The following CNTNAP4 variants were observed in gnomAD, a reference collection of about 807,000 sequenced individuals.
The protein encoded by CNTNAP4 is contactin-associated protein-like 4.
CNTNAP4 carries 98 observed loss-of-function variants against 148.4 expected under a neutral mutation model. That is an observed-to-expected ratio of 0.66 (90% CI 0.56 to 0.78). The LOEUF (loss-of-function observed/expected upper bound fraction) is 0.78. CNTNAP4 is among the 30% of genes least tolerant of loss of function. CNTNAP4 has a pLI of 0.00. For synonymous variants in CNTNAP4, 730 were observed against 565.1 expected, an observed-to-expected ratio of 1.29 and a Z score of -4.14; for missense variants, 1,935 against 1,565.6, an observed-to-expected ratio of 1.24 and a Z score of -3.98.
At chr16:76,545,266 C>T (rs2084661447) in intron 21 of CNTNAP4, among the ~76,000 whole-genome samples, 1 of 152,086 alleles carries the variant, frequency 6.6e-6, no homozygotes. Flanking sequence ...AGGCTTTAGT[C>T]GATTCCAGAG....
chr16:76,444,186 A>G (rs2080152317), intron 4 of CNTNAP4, among the ~76,000 whole-genome samples: 1 of 152,154 alleles, frequency 6.6e-6, no homozygotes, highest in Non-Finnish European at 1.5e-5. Context: ...ACAGGACAAT[A>G]AACCCATAAC....
intron 2 of CNTNAP4, among the ~76,000 whole-genome samples, chr16:76,339,285 C>A (rs1370070258): frequency 1.5e-4 from 23 of 151,928 alleles, no homozygotes; most frequent in Admixed American, 1.4e-3. Flanking sequence ...CATAGTCAGC[C>A]CCTCCCCATT....
At chr16:76,423,458 C>G (rs2079264157) in intron 3 of CNTNAP4, among the ~76,000 whole-genome samples, 1 of 152,056 alleles carries the variant, frequency 6.6e-6, no homozygotes, top group Non-Finnish European at 1.5e-5. Flanking sequence ...AGTTCTGAAT[C>G]TTTAAAGGAA....
chr16:76,442,239 C>T (rs931123897), intron 4 of CNTNAP4, among the ~76,000 whole-genome samples: 1 of 151,984 alleles, frequency 6.6e-6, no homozygotes, highest in Non-Finnish European at 1.5e-5. Context: ...CAAGTGGTCT[C>T]TAAAAGGTAG....
chr16:76,319,603 A>T (rs891113587), intron 2 of CNTNAP4, among the ~76,000 whole-genome samples: 1 of 152,016 alleles, frequency 6.6e-6, no homozygotes, highest in African/African-American at 2.4e-5. Flanking sequence ...GCCATACTGG[A>T]TTAAGGGGTG....
At chr16:76,345,866 C>G (rs1964860058) in intron 2 of CNTNAP4, among the ~76,000 whole-genome samples, 1 of 152,140 alleles carries the variant, frequency 6.6e-6, no homozygotes. Flanking sequence ...CAGAAAGAAA[C>G]TTGTCTACAG....
At chr16:76,371,317 C>T (rs1049205861) in intron 3 of CNTNAP4, among the ~76,000 whole-genome samples, 13 of 152,046 alleles carry the variant, frequency 8.6e-5, no homozygotes, top group African/African-American at 3.1e-4. Flanking sequence ...AATGGATCTT[C>T]TTCTGTCGCC....
chr16:76,361,999 T>G (rs1223996850), intron 3 of CNTNAP4, among the ~76,000 whole-genome samples: 1 of 152,010 alleles, frequency 6.6e-6, no homozygotes, highest in East Asian at 1.9e-4. Flanking sequence ...TCAATGCTTT[T>G]GCTCATGTTA....
At chr16:76,323,919 C>T (rs1962696042) in intron 2 of CNTNAP4, among the ~76,000 whole-genome samples, 1 of 152,292 alleles carries the variant, frequency 6.6e-6, no homozygotes, top group African/African-American at 2.4e-5. Flanking sequence ...AATGACATTA[C>T]CTCTCTTTTT....
intron 3 of CNTNAP4, among the ~76,000 whole-genome samples, chr16:76,418,557 G>A (rs766262581): frequency 7.9e-5 from 12 of 151,588 alleles, no homozygotes; most frequent in Non-Finnish European, 8.8e-5. Context: ...TTCTTTTGCA[G>A]AGTTTTCATC....
chr16:76,510,809 A>T (rs1375768470), intron 15 of CNTNAP4, among the ~76,000 whole-genome samples: 1 of 152,136 alleles, frequency 6.6e-6, no homozygotes, highest in Non-Finnish European at 1.5e-5. Flanking sequence ...TCAGAAGTAA[A>T]CTAGACTGGA....
intron 3 of CNTNAP4, among the ~76,000 whole-genome samples, chr16:76,399,666 T>C (rs79071149): frequency 0.011 from 1,733 of 152,306 alleles, 17 homozygotes; most frequent in African/African-American, 0.033. Context: ...GTTTATAGTT[T>C]CTGGTGTATA....
At chr16:76,549,604 G>C (rs757256760) in intron 21 of CNTNAP4, among the ~76,000 whole-genome samples, 43 of 152,138 alleles carry the variant, frequency 2.8e-4, no homozygotes, top group Non-Finnish European at 5.4e-4. Context: ...ATGAGGCTTA[G>C]TAAGAGTACT....
In CNTNAP4 at chr16:76,403,073, CTGT is replaced by C. The variant is rs549577679; in HGVS notation, c.391-24367_391-24365del. 1.1e-3 allele frequency among the ~76,000 whole-genome samples: 165 copies of C among 151,490 alleles called. 2 individuals carry two copies. Among genetic ancestry groups the C allele is most frequent in the African/African-American group, 2.3e-3 (93 of 41,222 alleles). On this transcript the variant is annotated intron_variant, in intron 3 of 23. Coordinates refer to ENST00000611870, the MANE Select transcript of CNTNAP4 (RefSeq NM_033401.5). The stretch of plus-strand genomic sequence containing the variant: ...AAAACGCGGGAAAAGGACATGAACA[CTGT>C]TGTTGTTGTTGGGTTTTATTTTTTT...
At chr16:76,518,360 T>C (rs2083328990) in intron 15 of CNTNAP4, among the ~76,000 whole-genome samples, 1 of 152,118 alleles carries the variant, frequency 6.6e-6, no homozygotes, top group Non-Finnish European at 1.5e-5. Flanking sequence ...ACTCCTGACC[T>C]CAAGTGATCT....
At chr16:76,347,720 C>A (rs8049902) in intron 2 of CNTNAP4, among the ~76,000 whole-genome samples, 29,098 of 151,972 alleles carry the variant, frequency 0.19, 3,555 homozygotes, top group East Asian at 0.47. Context: ...GAGCTTAATA[C>A]AGCTTCTGAG....
At chr16:76,356,393 T>C (rs975038451) in intron 3 of CNTNAP4, among the ~76,000 whole-genome samples, 1 of 152,092 alleles carries the variant, frequency 6.6e-6, no homozygotes, top group East Asian at 1.9e-4. Context: ...AATGTGTAAA[T>C]TGCTGTGTGT....
At chr16:76,334,658 CATT>C (rs1348197829) in intron 2 of CNTNAP4, among the ~76,000 whole-genome samples, 1 of 152,070 alleles carries the variant, frequency 6.6e-6, no homozygotes, top group African/African-American at 2.4e-5. Context: ...AAACACATCT[CATT>C]ATTAATGTTA....
At chr16:76,367,975 C>G (rs900059421) in intron 3 of CNTNAP4, among the ~76,000 whole-genome samples, 3 of 152,090 alleles carry the variant, frequency 2.0e-5, no homozygotes, top group Non-Finnish European at 4.4e-5. Context: ...ATTCTGGTAC[C>G]TAGGGAGACT....
Sources: gnomAD v4.1 joint callset for allele counts (sites outside exome capture counted in the v4.1 genomes callset) on GRCh38, gnomAD v4.1.1 for gene constraint, MANE v1.5 for transcripts, NCBI Gene and HGNC (gene_info 2026-07-23, HGNC 2026-07-21) for gene names.